CHLSN: variants seen among roughly 807,000 people sequenced by gnomAD.
CHLSN encodes cholesin, also known as protein cholesin.
the CHLSN span, among the ~76,000 whole-genome samples, chr7:980,069 C>T: frequency 6.6e-6 from 1 of 152,202 alleles, no homozygotes; most frequent in Non-Finnish European, 1.5e-5. Context: ...GAGGGAGAAG[C>T]GCAGTGTTAC....
the CHLSN span, among the ~76,000 whole-genome samples, chr7:1,038,982 G>A: frequency 1.4e-5 from 1 of 72,808 alleles, no homozygotes; most frequent in African/African-American, 5.6e-5. Context: ...CCTCTGCCCG[G>A]CCAGCCGCCC....
chr7:1,132,694 T>A, the CHLSN span, among the ~76,000 whole-genome samples: 3 of 106,998 alleles, frequency 2.8e-5, no homozygotes, highest in Admixed American at 1.0e-4. Context: ...AACCTGTCTT[T>A]AAAAAAAAAA....
chr7:1,091,944 C>A, the CHLSN span: 3 of 1,614,066 alleles, frequency 1.9e-6, no homozygotes, highest in East Asian at 6.7e-5. Context: ...TCTTCCCCAT[C>A]GGCTTTGTGG....
chr7:994,612 T>C, the CHLSN span, among the ~76,000 whole-genome samples: 2 of 151,982 alleles, frequency 1.3e-5, no homozygotes, highest in African/African-American at 4.8e-5. Flanking sequence ...CCCGGATTTT[T>C]TATTTTTTGT....
At chr7:1,061,542 G>A in the CHLSN span, among the ~76,000 whole-genome samples, 49 of 152,202 alleles carry the variant, frequency 3.2e-4, no homozygotes, top group African/African-American at 1.0e-3. Flanking sequence ...CAGGAGCTGC[G>A]TCGCTGACTG....
chr7:1,050,906 C>T, the CHLSN span, among the ~76,000 whole-genome samples: 6 of 152,230 alleles, frequency 3.9e-5, no homozygotes. Flanking sequence ...CTGTCCTTCC[C>T]AGCCTCCTGC....
At chr7:1,033,031 C>T in the CHLSN span, among the ~76,000 whole-genome samples, 15 of 152,200 alleles carry the variant, frequency 9.9e-5, no homozygotes, top group Admixed American at 1.3e-4. Context: ...TCGGCAAGTC[C>T]GTTACACACT....
At chr7:1,135,220 T>C in the CHLSN span, among the ~76,000 whole-genome samples, 2 of 152,164 alleles carry the variant, frequency 1.3e-5, no homozygotes, top group African/African-American at 4.8e-5. Flanking sequence ...CATTCAGTCA[T>C]GTGGCTTCAA....
chr7:987,880 CT>C, the CHLSN span, among the ~76,000 whole-genome samples: 1 of 150,362 alleles, frequency 6.7e-6, no homozygotes, highest in African/African-American at 2.5e-5. Flanking sequence ...TGGGGATCCC[CT>C]GTGTGTCCTG....
the CHLSN span, among the ~76,000 whole-genome samples, chr7:1,064,127 T>TATGCAAGCACGCATGCACACACACAA: frequency 5.3e-4 from 80 of 152,226 alleles, no homozygotes; most frequent in African/African-American, 1.9e-3. Context: ...CATGCACACA[T>TATGCAAGCACGCATGCACACACACAA]ATGCAAGCAC....
the CHLSN span, among the ~76,000 whole-genome samples, chr7:1,002,383 G>A: frequency 7.6e-6 from 1 of 131,652 alleles, no homozygotes; most frequent in South Asian, 2.7e-4. Context: ...CTGTGGGTGG[G>A]GAGTCCTGTG....
chr7:982,548 G>T, the CHLSN span, among the ~76,000 whole-genome samples: 1 of 152,244 alleles, frequency 6.6e-6, no homozygotes. Context: ...AGCTCAGAGG[G>T]TTGCATCCCC....
chr7:987,495 G>A, the CHLSN span: 6 of 1,546,362 alleles, frequency 3.9e-6, no homozygotes, highest in South Asian at 1.2e-5. Context: ...GCTGCACCGC[G>A]GCCGACACAC....
At chr7:995,485 G>A in the CHLSN span, among the ~76,000 whole-genome samples, 1 of 152,228 alleles carries the variant, frequency 6.6e-6, no homozygotes, top group East Asian at 1.9e-4. Flanking sequence ...CGGCTGCTGG[G>A]AAGCTCAGAG....
At chr7:1,060,691 G>T in the CHLSN span, among the ~76,000 whole-genome samples, 4 of 152,222 alleles carry the variant, frequency 2.6e-5, no homozygotes, top group African/African-American at 7.2e-5. Context: ...CTCCTAAGCC[G>T]TGGGATTAGA....
At chr7:987,226 C>A in the CHLSN span, 1 of 1,536,132 alleles carries the variant, frequency 6.5e-7, no homozygotes, top group Admixed American at 2.0e-5. Flanking sequence ...TTCTGATGGG[C>A]CGGCACCCGG....
At chr7:1,031,132 G>C in the CHLSN span, among the ~76,000 whole-genome samples, 1 of 152,344 alleles carries the variant, frequency 6.6e-6, no homozygotes, top group African/African-American at 2.4e-5. Context: ...AAGAGGAAAG[G>C]AAGGGCCCCC....
chr7:1,059,133 T>C, the CHLSN span: 1 of 168,612 alleles, frequency 5.9e-6, no homozygotes, highest in Non-Finnish European at 1.4e-5. Flanking sequence ...AGCCACCAAA[T>C]GTCCCTGACA....
At chr7:994,202 G>A in the CHLSN span, among the ~76,000 whole-genome samples, 1 of 152,116 alleles carries the variant, frequency 6.6e-6, no homozygotes, top group East Asian at 1.9e-4. Context: ...CTGTCACCCA[G>A]GCTGGAGTGC....
Sources: allele counts gnomAD v4.1 joint callset (sites outside exome capture counted in the v4.1 genomes callset), GRCh38; gene constraint gnomAD v4.1.1; transcripts MANE v1.5; gene names NCBI Gene and HGNC (gene_info 2026-07-23, HGNC 2026-07-21).